DZIP1L: variants seen among roughly 807,000 people sequenced by gnomAD.
DZIP1L encodes DAZ interacting zinc finger protein 1 like.
DZIP1L carries 90 observed loss-of-function variants against 88.7 expected under a neutral mutation model. That is an observed-to-expected ratio of 1.02 (90% CI 0.86 to 1.21). The LOEUF is 1.21. Among genes scored for constraint, DZIP1L ranks in the 50% most tolerant of loss-of-function variants. The pLI is 0.00. For synonymous variants in DZIP1L, 363 were observed against 372.1 expected, an observed-to-expected ratio of 0.98 and a Z score of 0.28; for missense variants, 932 against 955.8, an observed-to-expected ratio of 0.98 and a Z score of 0.33.
chr3:138,102,098 G>A (rs1021094911), intron 2 of DZIP1L: 45 of 1,467,234 alleles, frequency 3.1e-5, no homozygotes, highest in Admixed American at 6.7e-5. Context: ...CAGCCCAGCT[G>A]CAGTTGGCGA....
chr3:138,115,208 T>A (rs1165506034), intron 1 of DZIP1L, 120 bp downstream of exon 1: 1 of 151,914 alleles, frequency 6.6e-6, no homozygotes, highest in Non-Finnish European at 1.5e-5. Flanking sequence ...CGGCAGGGAG[T>A]TCGCCCCCGC....
chr3:138,064,664 C>T lies in DZIP1L; in HGVS notation c.2106G>A (p.Gly702=), dbSNP rs993194024. The T allele has an allele frequency of 6.2e-7, 1 of 1,614,164 alleles. No homozygotes were observed. Among genetic ancestry groups the T allele is most frequent in the East Asian group, 2.2e-5 (1 of 44,880 alleles). Reference sequence around the variant, plus strand: ...TTCCTGGTGTGGCAGCCCTCTGTGGCCCAGCATTGGGCATAAAAAACAGAC... The same window carrying T: ...TTCCTGGTGTGGCAGCCCTCTGTGGTCCAGCATTGGGCATAAAAAACAGAC... ...GVSLFFMPNA[G]PQRAATPGRK... is the part of the protein sequence containing the mutation. The change falls in exon 15 of 16, where the codon GGG becomes GGA. Residue 702 remains glycine (G), a synonymous_variant. Coordinates refer to ENST00000327532, the MANE Select transcript of DZIP1L (RefSeq NM_173543.3).
intron 2 of DZIP1L, chr3:138,102,057 T>A: frequency 6.8e-7 from 1 of 1,477,246 alleles, no homozygotes; most frequent in Non-Finnish European, 9.4e-7. Context: ...CTGCAGCTCC[T>A]CATACTTGAT....
At chr3:138,088,842 G>A (rs1944072441) in intron 5 of DZIP1L, 1 of 1,000,660 alleles carries the variant, frequency 1.0e-6, no homozygotes, top group Non-Finnish European at 1.2e-6. Context: ...ACACTGATGA[G>A]AATGAGACTC....
rs528402368 is a variant in DZIP1L, at chr3:138,095,781, C to CAATA, written c.587-802_587-799dup. Reference sequence around the variant, plus strand: ...TGGGAGACAGAGCGAGACTCTGTCTCAATAAATAAATAAATAAATTTCAAA... The same window carrying CAATA: ...TGGGAGACAGAGCGAGACTCTGTCTCAATAAATAAATAAATAAATAAATTTCAAA... On this transcript the variant is annotated intron_variant, in intron 3 of 15. Transcript: ENST00000327532. Among the ~76,000 whole-genome samples the CAATA allele has an allele frequency of 4.1e-3, 614 of 150,928 alleles. 7 individuals carry two copies. Among genetic ancestry groups the CAATA allele is most frequent in the African/African-American group, 0.014 (577 of 41,056 alleles).
At chr3:138,068,858 A>T in intron 12 of DZIP1L, 2 of 1,190,444 alleles carry the variant, frequency 1.7e-6, no homozygotes, top group Non-Finnish European at 2.1e-6. Context: ...AGGCAATTGG[A>T]CACAGCCCCT....
chr3:138,091,686 A>C, intron 5 of DZIP1L, among the ~76,000 whole-genome samples: 1 of 38,866 alleles, frequency 2.6e-5, no homozygotes, highest in Admixed American at 3.6e-4. Context: ...GGAGGGAGGA[A>C]GGAAGGAAGG....
At position 138,104,023 on chromosome 3, in the gene DZIP1L, C is replaced by A. The variant is rs552679329; in HGVS notation, c.-52G>T. On this transcript the variant is annotated 5_prime_UTR_variant, in exon 2 of 16. Transcript: ENST00000327532. Reference sequence around the variant, plus strand: ...CCAGAGGAGGGGGGCACCAAGGCCACGGCAGTAGGCCAAGGAGCTGAGAGA... The same window carrying A: ...CCAGAGGAGGGGGGCACCAAGGCCAAGGCAGTAGGCCAAGGAGCTGAGAGA... 117 of 1,556,324 alleles carry A rather than the reference C, an allele frequency of 7.5e-5. No homozygotes were observed. The East Asian group carries it at 1.5e-3, about 21-fold the overall frequency.
At chr3:138,111,645 C>A (rs1045147805) in intron 1 of DZIP1L, among the ~76,000 whole-genome samples, 4 of 152,162 alleles carry the variant, frequency 2.6e-5, no homozygotes, top group Non-Finnish European at 5.9e-5. Flanking sequence ...TTACTCATGT[C>A]TTTTTCTAGA....
chr3:138,071,877 C>T, intron 11 of DZIP1L, 42 bp from the exon 12 acceptor site: 1 of 1,553,830 alleles, frequency 6.4e-7, no homozygotes. Flanking sequence ...AGAGGCTACC[C>T]TTCTTCTCCT....
At chr3:138,102,062 C>T (rs1040638034) in intron 2 of DZIP1L, 2 of 1,481,374 alleles carry the variant, frequency 1.4e-6, no homozygotes, top group Non-Finnish European at 1.9e-6. Context: ...GCTCCTCATA[C>T]TTGATCTGGT....
chr3:138,096,830 T>C (rs1275378161), intron 3 of DZIP1L, among the ~76,000 whole-genome samples: 1 of 152,338 alleles, frequency 6.6e-6, no homozygotes, highest in East Asian at 1.9e-4. Flanking sequence ...TTTTACTTAA[T>C]GGCATTTTTA....
rs777975721 is a variant in DZIP1L at position 138,103,613 on chromosome 3, C to T, written c.359G>A (p.Gly120Asp). 6.2e-6 allele frequency: 10 copies of T among 1,606,460 alleles called. No homozygotes were observed. Among genetic ancestry groups the T allele is most frequent in the Non-Finnish European group, 7.6e-6 (9 of 1,179,186 alleles). ...QLEARLQTSLGQQQRGQQELG... is the reference protein window; with the variant it reads ...QLEARLQTSLDQQQRGQQELG... The stretch of plus-strand genomic sequence containing the variant: ...CTCCTGCTGACCACGCTGCTGCTGG[C>T]CCAGGCTGGTCTGCAGCCGTGCCTC... The change falls in exon 2 of 16, where the codon GGC becomes GAC. Residue 120 changes from glycine to aspartate, a missense_variant. Coordinates refer to ENST00000327532, the MANE Select transcript of DZIP1L (RefSeq NM_173543.3).
chr3:138,067,427 A>C, intron 14 of DZIP1L, 104 bp downstream of exon 14: 1 of 1,299,722 alleles, frequency 7.7e-7, no homozygotes, highest in South Asian at 1.6e-5. Flanking sequence ...CAAATAAGAA[A>C]GCCTAAAGGA....
intron 3 of DZIP1L, among the ~76,000 whole-genome samples, chr3:138,097,521 C>T (rs1944534703): frequency 6.6e-6 from 1 of 152,178 alleles, no homozygotes; most frequent in Admixed American, 6.5e-5. Context: ...TAATAAATAG[C>T]GACAGAGCTA....
rs79008180 is a variant in DZIP1L at position 138,079,425 on chromosome 3, G to A, written c.1288+1142C>T. ...ATTTTAGTTCATCCATCTAAGGGAAGACTGCAAAGCCCTGAAAAAATAATG... is the reference window on the plus strand; with the variant it reads ...ATTTTAGTTCATCCATCTAAGGGAAAACTGCAAAGCCCTGAAAAAATAATG... On this transcript the variant is annotated intron_variant, in intron 10 of 15. Transcript: ENST00000327532. Among the ~76,000 whole-genome samples the A allele has an allele frequency of 8.2e-3, 1,250 of 152,310 alleles. 18 individuals are homozygous for A. Among genetic ancestry groups the A allele is most frequent in the African/African-American group, 0.029 (1,211 of 41,558 alleles).
rs1576497186 is a variant in DZIP1L at position 138,102,344 on chromosome 3, A to C, written c.501+1127T>G. ...CATCTTTCTCGATGAAGGCAAATTT[A>C]TTCTCCATCTTTGTATGCTTATTGA... On this transcript the variant is annotated intron_variant, in intron 2 of 15. Transcript: ENST00000327532. 4.1e-6 allele frequency: 5 copies of C among 1,230,398 alleles called. No individual in the cohort carries two copies. In the East Asian group the frequency reaches 1.2e-4, roughly 29 times the overall value. The allele number at this position is 1,230,398 out of a possible 1,614,324, so 76.2% of individuals were successfully genotyped here. A position where few individuals can be genotyped will look rare whatever the true frequency, so the allele number is the denominator to read the frequency against.
intron 2 of DZIP1L, chr3:138,101,708 T>C (rs1402110843): frequency 1.7e-5 from 14 of 823,872 alleles, no homozygotes; most frequent in African/African-American, 1.2e-4. Flanking sequence ...TGGATACTTG[T>C]GTTCTGCATC....
chr3:138,097,700 T>C (rs1356489778), intron 3 of DZIP1L, 63 bp downstream of exon 3: 17 of 1,492,174 alleles, frequency 1.1e-5, no homozygotes, highest in Non-Finnish European at 1.5e-5. Context: ...CACCACCCAC[T>C]GAATACCAGC....
Sources: gnomAD v4.1 joint callset for allele counts (sites outside exome capture counted in the v4.1 genomes callset) on GRCh38, gnomAD v4.1.1 for gene constraint, MANE v1.5 for transcripts, NCBI Gene and HGNC (gene_info 2026-07-23, HGNC 2026-07-21) for gene names.